The following TNKS variants were observed in gnomAD, a reference collection of about 807,000 sequenced individuals.
TNKS encodes the protein tankyrase, also known as poly [ADP-ribose] polymerase tankyrase-1.
In TNKS, 72 loss-of-function variants were observed where a neutral mutation model predicts 135.8. The observed-to-expected ratio is 0.53, with a 90% CI of 0.44 to 0.64. The LOEUF is 0.64. TNKS is among the 30% of genes least tolerant of loss of function. The probability of loss-of-function intolerance (pLI) is 0.00; values close to 1 mark genes in which losing one functional copy is unlikely to be tolerated. For synonymous variants in TNKS, 849 were observed against 649.3 expected, an observed-to-expected ratio of 1.31 and a Z score of -4.68; for missense variants, 1,769 against 1,674.0, an observed-to-expected ratio of 1.06 and a Z score of -0.99.
chr8:9,604,934 T>G (rs112003877), intron 2 of TNKS, among the ~76,000 whole-genome samples: 2 of 152,132 alleles, frequency 1.3e-5, no homozygotes, highest in Non-Finnish European at 2.9e-5. Context: ...AGTTCAGCAA[T>G]TTTCTCTTTA....
chr8:9,660,326 C>T (rs1477397883), intron 3 of TNKS, among the ~76,000 whole-genome samples: 1 of 152,084 alleles, frequency 6.6e-6, no homozygotes, highest in Non-Finnish European at 1.5e-5. Context: ...AACATCGATG[C>T]AAAAATCCTC....
intron 21 of TNKS, among the ~76,000 whole-genome samples, chr8:9,762,438 C>G (rs1807192192): frequency 6.6e-6 from 1 of 152,128 alleles, no homozygotes; most frequent in Non-Finnish European, 1.5e-5. Context: ...AGCCATCTTA[C>G]AAGAGTTTTT....
rs560133244 is a variant in TNKS, at chr8:9,679,628, G to C, written c.995-323G>C. ...CTGTGACAGCCTGAATAGAGAAAAG[G>C]GGGGAGGGGACATTGTCTTCAGCTG... On this transcript the variant is annotated intron_variant, in intron 3 of 26. Coordinates refer to ENST00000310430, the MANE Select transcript of TNKS (RefSeq NM_003747.3). The C allele has an allele frequency of 9.6e-5, 25 of 259,812 alleles. 1 individual carries two copies. The highest frequency in any genetic ancestry group is 7.1e-4 in the Admixed American group (15 of 21,210). The allele number at this position is 259,812 out of a possible 1,614,324, so 16.1% of individuals were successfully genotyped here.
At chr8:9,614,749 TCTC>T (rs1385716878) in intron 2 of TNKS, among the ~76,000 whole-genome samples, 2 of 152,142 alleles carry the variant, frequency 1.3e-5, no homozygotes, top group East Asian at 1.9e-4. Context: ...ACAGCAACAG[TCTC>T]CTCCTCTCCT....
chr8:9,558,442 A>C (rs1196159871), intron 1 of TNKS: 1 of 152,194 alleles, frequency 6.6e-6, no homozygotes, highest in Non-Finnish European at 1.5e-5. Context: ...TGATTTTATT[A>C]ATCAACAGAG....
At chr8:9,572,575 T>C (rs1797796886) in intron 1 of TNKS, among the ~76,000 whole-genome samples, 1 of 152,224 alleles carries the variant, frequency 6.6e-6, no homozygotes, top group Admixed American at 6.5e-5. Flanking sequence ...CTATAGCAGA[T>C]ACGTTTTCTC....
intron 17 of TNKS, among the ~76,000 whole-genome samples, chr8:9,744,611 A>G (rs1806141020): frequency 6.6e-6 from 1 of 152,202 alleles, no homozygotes; most frequent in Non-Finnish European, 1.5e-5. Flanking sequence ...ACATTCCAAC[A>G]GAGATCAGTT....
chr8:9,768,906 C>T (rs2128839083), intron 25 of TNKS, among the ~76,000 whole-genome samples: 1 of 152,258 alleles, frequency 6.6e-6, no homozygotes, highest in African/African-American at 2.4e-5. Context: ...GTCCTGGATC[C>T]AGCACAAATT....
intron 20 of TNKS, among the ~76,000 whole-genome samples, chr8:9,760,821 C>G (rs1284808600): frequency 6.6e-6 from 1 of 152,086 alleles, no homozygotes; most frequent in African/African-American, 2.4e-5. Context: ...AATTAAAAAG[C>G]ACTATGTTGT....
chr8:9,642,911 G>A (rs1219249273), intron 3 of TNKS, among the ~76,000 whole-genome samples: 1 of 145,942 alleles, frequency 6.9e-6, no homozygotes, highest in African/African-American at 2.5e-5. Flanking sequence ...ATGTACTATT[G>A]TTATAAAGTA....
At position 9,776,725 on chromosome 8, in the gene TNKS, C is replaced by T; in HGVS notation, c.3973C>T (p.Gln1325Ter). The T allele has an allele frequency of 6.2e-7, 1 of 1,613,914 alleles. No homozygotes were observed. Among genetic ancestry groups the T allele is most frequent in the Non-Finnish European group, 8.5e-7 (1 of 1,179,856 alleles). The change falls in exon 27 of 27, where the codon CAG becomes TAG. Residue 1325 changes from glutamine to a stop codon, truncating the protein, a stop_gained. Transcript: ENST00000310430. LOFTEE classifies it high-confidence loss of function. ...APSQTATAAE[Q>*]KT ...TTCCCAGACCGCAACAGCCGCAGAG[C>T]AGAAGACCTAGTGAATGCCTGCTGG... is the stretch of plus-strand genomic sequence containing the variant.
rs1805586475 is a variant in TNKS, at chr8:9,734,357, A to G, written c.2314-508A>G. 2.0e-5 allele frequency among the ~76,000 whole-genome samples: 3 copies of G among 152,332 alleles called. No homozygotes were observed. The South Asian group carries it at 6.2e-4, about 32-fold the overall frequency. ...AATCTATAATTTTTAATACATTTAT[A>G]TCTAATTTCATGATAGATGTTAAGA... On this transcript the variant is annotated intron_variant, in intron 15 of 26. Transcript: ENST00000310430.
At chr8:9,608,570 C>G (rs1235191616) in intron 2 of TNKS, among the ~76,000 whole-genome samples, 1 of 152,082 alleles carries the variant, frequency 6.6e-6, no homozygotes, top group Non-Finnish European at 1.5e-5. Flanking sequence ...CCAAATAAGC[C>G]TCAGGGGTTT....
chr8:9,726,831 A>C, intron 13 of TNKS, 111 bp downstream of exon 13: 1 of 882,682 alleles, frequency 1.1e-6, no homozygotes, highest in Non-Finnish European at 1.8e-6. Flanking sequence ...AAGGATGAAC[A>C]GAGTCATGGG....
intron 5 of TNKS, among the ~76,000 whole-genome samples, chr8:9,695,876 C>G (rs1189623101): frequency 6.6e-6 from 1 of 152,108 alleles, no homozygotes; most frequent in East Asian, 1.9e-4. Flanking sequence ...GCCTGAGTAA[C>G]TAAAAGGATG....
At chr8:9,631,026 A>C (rs1424753936) in intron 3 of TNKS, among the ~76,000 whole-genome samples, 2 of 152,116 alleles carry the variant, frequency 1.3e-5, no homozygotes, top group East Asian at 3.8e-4. Flanking sequence ...ACCTTTATTA[A>C]TTTGCTTAGT....
At chr8:9,766,527 C>A (rs999853369) in intron 25 of TNKS, 102 bp downstream of exon 25, 1 of 1,141,600 alleles carries the variant, frequency 8.8e-7, no homozygotes, top group Non-Finnish European at 1.2e-6. Context: ...GCTCTTGTCA[C>A]CCAGGCTGGA....
chr8:9,658,798 TAA>T (rs1294608060), intron 3 of TNKS, among the ~76,000 whole-genome samples: 1 of 152,128 alleles, frequency 6.6e-6, no homozygotes, highest in East Asian at 1.9e-4. Context: ...GCAAATTGGA[TAA>T]AGAGTCAAGA....
chr8:9,688,554 C>G (rs945031871), intron 5 of TNKS, among the ~76,000 whole-genome samples: 2 of 152,192 alleles, frequency 1.3e-5, no homozygotes, highest in Non-Finnish European at 2.9e-5. Context: ...ATTTATTTCT[C>G]ACAGTTCTAA....
Sources: gnomAD v4.1 joint callset for allele counts (sites outside exome capture counted in the v4.1 genomes callset) on GRCh38, gnomAD v4.1.1 for gene constraint, MANE v1.5 for transcripts, NCBI Gene and HGNC (gene_info 2026-07-23, HGNC 2026-07-21) for gene names.